The following CHST15 variants were observed in gnomAD, a reference collection of about 807,000 sequenced individuals.
CHST15 encodes the protein B cell RAG associated protein (GALNAC4S-6ST).
CHST15 carries 30 observed loss-of-function variants against 53.6 expected under a neutral mutation model. The observed-to-expected ratio is 0.56, with a 90% CI of 0.42 to 0.76. CHST15 has a LOEUF of 0.76. CHST15 is among the 30% of genes least tolerant of loss of function. CHST15 has a pLI of 0.00. For synonymous variants in CHST15, 296 were observed against 289.8 expected, an observed-to-expected ratio of 1.02 and a Z score of -0.22; for missense variants, 627 against 740.5, an observed-to-expected ratio of 0.85 and a Z score of 1.78.
At chr10:124,075,454 G>A (rs1468541483) in intron 1 of CHST15, among the ~76,000 whole-genome samples, 1 of 152,158 alleles carries the variant, frequency 6.6e-6, no homozygotes, top group Non-Finnish European at 1.5e-5. Flanking sequence ...AGAGCACAGC[G>A]TCCCGGCTCC....
chr10:124,091,983 C>A (rs117246064), intron 1 of CHST15, among the ~76,000 whole-genome samples: 1,882 of 152,032 alleles, frequency 0.012, 47 homozygotes, highest in East Asian at 0.082. Context: ...TGCCCAGGAC[C>A]CGGGCGGCTC....
chr10:124,031,752 A>G (rs1947232798), intron 5 of CHST15, among the ~76,000 whole-genome samples: 1 of 152,202 alleles, frequency 6.6e-6, no homozygotes, highest in African/African-American at 2.4e-5. Flanking sequence ...GTTACTACAA[A>G]TATTAAGTCA....
intron 1 of CHST15, among the ~76,000 whole-genome samples, chr10:124,059,407 C>T (rs1485313665): frequency 6.6e-6 from 1 of 152,100 alleles, no homozygotes; most frequent in East Asian, 1.9e-4. Flanking sequence ...TTTTCCTTGA[C>T]ACAGATAGAG....
chr10:124,056,987 G>A (rs1948406244), intron 1 of CHST15, among the ~76,000 whole-genome samples: 1 of 152,360 alleles, frequency 6.6e-6, no homozygotes, highest in East Asian at 1.9e-4. Context: ...AGGCCTGCCT[G>A]TATGACCGGA....
chr10:124,086,776 C>T (rs1355919610), intron 1 of CHST15, among the ~76,000 whole-genome samples: 1 of 152,274 alleles, frequency 6.6e-6, no homozygotes, highest in South Asian at 2.1e-4. Context: ...ATTTCAAATA[C>T]TCAAGCCACC....
intron 1 of CHST15, among the ~76,000 whole-genome samples, chr10:124,090,916 A>G (rs1030897172): frequency 1.3e-5 from 2 of 152,244 alleles, no homozygotes; most frequent in Admixed American, 1.3e-4. Context: ...CAAAGCCCAG[A>G]GGAGAGAGCC....
At position 124,008,014 on chromosome 10, in the gene CHST15, G is replaced by A. The variant is rs1283198753; in HGVS notation, c.*2135C>T. 1 of 1,232,072 alleles carries A rather than the reference G, an allele frequency of 8.1e-7. No homozygotes were observed. The allele number at this position is 1,232,072 out of a possible 1,614,324, so 76.3% of individuals were successfully genotyped here. A position where few individuals can be genotyped will look rare whatever the true frequency, so the allele number is the denominator to read the frequency against. ...AAAGGCCCCTGGAGGGAAAAACCAT[G>A]TCTGGATGGCATTGAGTGGCACAGA... On this transcript the variant is annotated 3_prime_UTR_variant, in exon 8 of 8. Coordinates refer to ENST00000435907, the MANE Select transcript of CHST15 (RefSeq NM_001270764.2).
chr10:124,043,742 C>T (rs1947826722), intron 3 of CHST15, among the ~76,000 whole-genome samples: 1 of 152,232 alleles, frequency 6.6e-6, no homozygotes, highest in South Asian at 2.1e-4. Flanking sequence ...GCAAGGCCTC[C>T]AGAATGATCT....
At chr10:124,085,890 C>T (rs1554925020) in intron 1 of CHST15, among the ~76,000 whole-genome samples, 2 of 152,146 alleles carry the variant, frequency 1.3e-5, no homozygotes, top group Non-Finnish European at 2.9e-5. Flanking sequence ...AATGTGGGGG[C>T]TCCCCCTCTC....
intron 5 of CHST15, among the ~76,000 whole-genome samples, chr10:124,038,255 T>G (rs376238034): frequency 3.3e-5 from 5 of 152,134 alleles, no homozygotes; most frequent in Admixed American, 2.0e-4. Flanking sequence ...TATAGGAGTG[T>G]GCCACCACAT....
chr10:124,065,487 T>G (rs1455969212), intron 1 of CHST15, among the ~76,000 whole-genome samples: 1 of 152,236 alleles, frequency 6.6e-6, no homozygotes, highest in Non-Finnish European at 1.5e-5. Flanking sequence ...TCCATGACTT[T>G]CAGGCAAATT....
rs2134285928 is a variant in CHST15 at position 124,092,854 on chromosome 10, C to G, written c.-513+615G>C. Among the ~76,000 whole-genome samples, 4 of 152,360 alleles carry G rather than the reference C, an allele frequency of 2.6e-5. No individual in the cohort carries two copies. The South Asian group carries it at 8.3e-4, about 32-fold the overall frequency. On this transcript the variant is annotated intron_variant, in intron 1 of 7. Coordinates refer to ENST00000435907, the MANE Select transcript of CHST15 (RefSeq NM_001270764.2). ...GCACTGGTCTGTCCGTCGGTCGGTCCCCCGCCTGCGGCTCCCAGAGCTGGG... is the reference window on the plus strand; with the variant it reads ...GCACTGGTCTGTCCGTCGGTCGGTCGCCCGCCTGCGGCTCCCAGAGCTGGG...
chr10:124,023,224 C>G (rs1946858601), intron 5 of CHST15, among the ~76,000 whole-genome samples: 1 of 152,116 alleles, frequency 6.6e-6, no homozygotes, highest in African/African-American at 2.4e-5. Context: ...GTGGCTCATG[C>G]CTGTAATCCC....
intron 4 of CHST15, 91 bp from the exon 5 acceptor site, chr10:124,038,762 T>A: frequency 1.5e-6 from 2 of 1,356,900 alleles, no homozygotes; most frequent in Non-Finnish European, 2.1e-6. Flanking sequence ...CTGGCCCCGA[T>A]GCCTTCCTCT....
chr10:124,084,879 G>A (rs1250167865), intron 1 of CHST15, among the ~76,000 whole-genome samples: 1 of 152,178 alleles, frequency 6.6e-6, no homozygotes, highest in Non-Finnish European at 1.5e-5. Context: ...ATACCCACAA[G>A]ATCTCGGCCA....
Position 124,009,770 on chromosome 10 carries a change from T to A in CHST15, c.*379A>T. Reference sequence around the variant, plus strand: ...CCAGGCCTGTGGCATGACCTCTGGCTTGCTGACTCAGAACCCAGAGGCTCT... The same window carrying A: ...CCAGGCCTGTGGCATGACCTCTGGCATGCTGACTCAGAACCCAGAGGCTCT... On this transcript the variant is annotated 3_prime_UTR_variant, in exon 8 of 8. Coordinates refer to ENST00000435907, the MANE Select transcript of CHST15 (RefSeq NM_001270764.2). 2 of 1,068,828 alleles carry A rather than the reference T, an allele frequency of 1.9e-6. No individual in the cohort carries two copies. The highest frequency in any genetic ancestry group is 2.3e-6 in the Non-Finnish European group (2 of 880,622). The allele number at this position is 1,068,828 out of a possible 1,614,324, so 66.2% of individuals were successfully genotyped here.
intron 5 of CHST15, among the ~76,000 whole-genome samples, chr10:124,029,959 G>A (rs903045455): frequency 2.6e-5 from 4 of 152,330 alleles, no homozygotes; most frequent in Non-Finnish European, 5.9e-5. Flanking sequence ...CAGACACAAC[G>A]GAGCTCTTTT....
At chr10:124,022,071 G>A (rs1282165281) in intron 5 of CHST15, among the ~76,000 whole-genome samples, 3 of 152,194 alleles carry the variant, frequency 2.0e-5, no homozygotes, top group Middle Eastern at 3.2e-3. Context: ...GCTGCCGCAC[G>A]GGAACTGATC....
intron 5 of CHST15, among the ~76,000 whole-genome samples, chr10:124,029,377 C>T (rs2133908430): frequency 6.6e-6 from 1 of 152,314 alleles, no homozygotes; most frequent in Admixed American, 6.5e-5. Context: ...TACAAACATC[C>T]ATGTTTGGTC....
Sources: gnomAD v4.1 joint callset for allele counts (sites outside exome capture counted in the v4.1 genomes callset) on GRCh38, gnomAD v4.1.1 for gene constraint, MANE v1.5 for transcripts, NCBI Gene and HGNC (gene_info 2026-07-23, HGNC 2026-07-21) for gene names.